Variants in ERBB4 observed in about 807,000 individuals in gnomAD.
ERBB4 encodes the protein erb-b2 receptor tyrosine kinase 4, also known as receptor tyrosine-protein kinase erbB-4.
ERBB4 carries 42 observed loss-of-function variants against 158.0 expected under a neutral mutation model. The ratio of observed to expected loss-of-function variants is 0.27; its 90% confidence interval spans 0.21 to 0.34. The LOEUF is 0.34. Among genes scored for constraint, ERBB4 ranks in the 10% least tolerant of loss-of-function variants. ERBB4 has a pLI of 1.00. For synonymous variants in ERBB4, 583 were observed against 558.7 expected, an observed-to-expected ratio of 1.04 and a Z score of -0.61; for missense variants, 1,333 against 1,624.1, an observed-to-expected ratio of 0.82 and a Z score of 3.08.
intron 1 of ERBB4, among the ~76,000 whole-genome samples, chr2:212,497,197 A>G (rs758084347): frequency 6.7e-6 from 1 of 149,462 alleles, no homozygotes; most frequent in Admixed American, 6.7e-5. Flanking sequence ...AAAAAAAAAA[A>G]CCCTATATTT....
intron 4 of ERBB4, among the ~76,000 whole-genome samples, chr2:211,775,859 ACAC>A (rs1482892499): frequency 1.3e-5 from 2 of 152,194 alleles, no homozygotes; most frequent in Non-Finnish European, 2.9e-5. Flanking sequence ...CTCACGGGTT[ACAC>A]CTTGACCTAA....
At chr2:211,809,121 C>A (rs945763359) in intron 3 of ERBB4, among the ~76,000 whole-genome samples, 1 of 152,176 alleles carries the variant, frequency 6.6e-6, no homozygotes, top group Non-Finnish European at 1.5e-5. Context: ...CCCTTCATTT[C>A]TTTCTCTTGC....
intron 20 of ERBB4, among the ~76,000 whole-genome samples, chr2:211,465,588 T>C (rs2064660544): frequency 6.6e-6 from 1 of 152,116 alleles, no homozygotes; most frequent in Non-Finnish European, 1.5e-5. Context: ...TGACAGTTAG[T>C]ACATAAGATA....
intron 1 of ERBB4, among the ~76,000 whole-genome samples, chr2:212,295,627 C>T (rs1004877074): frequency 1.3e-5 from 2 of 151,968 alleles, no homozygotes; most frequent in Non-Finnish European, 2.9e-5. Flanking sequence ...ATTCCTGTTC[C>T]GTTGCTTACT....
chr2:211,706,728 T>A (rs1296076115), intron 9 of ERBB4, among the ~76,000 whole-genome samples: 1 of 152,172 alleles, frequency 6.6e-6, no homozygotes, highest in African/African-American at 2.4e-5. Flanking sequence ...TACTGGATAT[T>A]GCTGAGGTTG....
intron 18 of ERBB4, among the ~76,000 whole-genome samples, chr2:211,622,454 C>G (rs2069640388): frequency 6.6e-6 from 1 of 151,914 alleles, no homozygotes; most frequent in Non-Finnish European, 1.5e-5. Flanking sequence ...TGCATTTTGA[C>G]CTTAGAATAC....
intron 19 of ERBB4, among the ~76,000 whole-genome samples, chr2:211,587,854 T>A (rs796681799): frequency 1.5e-4 from 23 of 152,330 alleles, no homozygotes; most frequent in African/African-American, 5.5e-4. Flanking sequence ...CCTGGGATTA[T>A]ATTCCTGGAA....
chr2:211,422,231 A>G (rs2063528093), intron 23 of ERBB4, 127 bp from the exon 24 acceptor site: 1 of 674,224 alleles, frequency 1.5e-6, no homozygotes, highest in Non-Finnish European at 2.7e-6. Context: ...TGAGAAAGAA[A>G]GCAAGCTAGT....
intron 1 of ERBB4, among the ~76,000 whole-genome samples, chr2:212,280,552 T>C (rs2085717518): frequency 6.6e-6 from 1 of 151,724 alleles, no homozygotes; most frequent in Non-Finnish European, 1.5e-5. Flanking sequence ...AATCACCTTT[T>C]AGACATAAAA....
intron 1 of ERBB4, among the ~76,000 whole-genome samples, chr2:212,352,327 A>T (rs1406704488): frequency 1.1e-4 from 5 of 44,350 alleles, no homozygotes; most frequent in Non-Finnish European, 2.5e-4. Flanking sequence ...ATAAAAGTTA[A>T]AAAAAAAAAA....
intron 1 of ERBB4, among the ~76,000 whole-genome samples, chr2:212,356,288 A>C (rs924110401): frequency 1.3e-5 from 2 of 149,966 alleles, no homozygotes; most frequent in African/African-American, 2.4e-5. Context: ...ATGTTTTCAC[A>C]GGAGCAGCAA....
chr2:212,311,105 C>A (rs1014340924), intron 1 of ERBB4, among the ~76,000 whole-genome samples: 4 of 150,682 alleles, frequency 2.7e-5, no homozygotes, highest in Non-Finnish European at 3.0e-5. Context: ...TTACCTATTT[C>A]TAATGACTAG....
chr2:212,457,423 T>C (rs982574310), intron 1 of ERBB4, among the ~76,000 whole-genome samples: 3 of 152,072 alleles, frequency 2.0e-5, no homozygotes, highest in Non-Finnish European at 4.4e-5. Context: ...AATTTTGTTA[T>C]ATATTACTTG....
Position 211,387,115 on chromosome 2 carries a change from A to T in ERBB4, c.3219T>A (p.Ala1073=), listed in dbSNP as rs1395834774. Residue 1073 remains alanine, a synonymous_variant, in exon 27 of 28, where the codon GCT becomes GCA. Transcript: ENST00000342788. ...QFVYRDGGFA[A]EQGVSVPYRA... ...TGTAGGGCACAGACACTCCTTGTTC[A>T]GCAGCAAAACCTCCATCTCGGTATA... The T allele has an allele frequency of 1.2e-6, 2 of 1,614,074 alleles. No homozygotes were observed. Among genetic ancestry groups the T allele is most frequent in the Admixed American group, 3.3e-5 (2 of 60,024 alleles).
At position 211,953,564 on chromosome 2, in the gene ERBB4, C is replaced by T. The variant is rs78512202; in HGVS notation, c.235-5948G>A. 2.3e-3 allele frequency among the ~76,000 whole-genome samples: 343 copies of T among 150,562 alleles called. 3 individuals carry two copies. Among genetic ancestry groups the T allele is most frequent in the African/African-American group, 8.0e-3 (330 of 41,090 alleles). ...CAGTAACAGTTTAGTTCTAGGAAGT[C>T]ATCCCATTTTGTCAACCAAAGAGTG... is the stretch of plus-strand genomic sequence containing the variant. On this transcript the variant is annotated intron_variant, in intron 2 of 27. Coordinates refer to ENST00000342788, the MANE Select transcript of ERBB4 (RefSeq NM_005235.3).
intron 4 of ERBB4, among the ~76,000 whole-genome samples, chr2:211,772,830 T>TACAC (rs1304326378): frequency 0.064 from 784 of 12,254 alleles, 77 homozygotes; most frequent in African/African-American, 0.29. Context: ...TATATATATA[T>TACAC]ATATACACAT....
chr2:212,216,364 T>A (rs1368097180), intron 1 of ERBB4, among the ~76,000 whole-genome samples: 1 of 151,384 alleles, frequency 6.6e-6, no homozygotes, highest in African/African-American at 2.4e-5. Flanking sequence ...AATATTTATC[T>A]TATGCATATC....
At chr2:212,029,203 T>C (rs917849696) in intron 2 of ERBB4, among the ~76,000 whole-genome samples, 16 of 152,148 alleles carry the variant, frequency 1.1e-4, no homozygotes, top group African/African-American at 3.9e-4. Context: ...ACTCCCTGCC[T>C]ATAGGGTAGT....
chr2:211,483,523 G>C (rs2065133779), intron 20 of ERBB4, among the ~76,000 whole-genome samples: 1 of 151,744 alleles, frequency 6.6e-6, no homozygotes, highest in South Asian at 2.1e-4. Context: ...TTCTTTTTTT[G>C]TTTGTTTTTC....
Sources: gnomAD v4.1 joint callset for allele counts (sites outside exome capture counted in the v4.1 genomes callset) on GRCh38, gnomAD v4.1.1 for gene constraint, MANE v1.5 for transcripts, NCBI Gene and HGNC (gene_info 2026-07-23, HGNC 2026-07-21) for gene names.